The following HERC4 variants were observed in gnomAD, a reference collection of about 807,000 sequenced individuals.
HERC4 encodes the protein probable E3 ubiquitin-protein ligase HERC4.
Under a neutral mutation model 124.3 loss-of-function variants are expected in HERC4, and 28 were observed. That is an observed-to-expected ratio of 0.23 (90% CI 0.17 to 0.31). HERC4 has a LOEUF of 0.31. HERC4 is among the 10% of genes least tolerant of loss of function. HERC4 has a pLI of 1.00. For synonymous variants in HERC4, 407 were observed against 421.5 expected (o/e 0.97, Z 0.42); for missense variants, 713 against 1,229.3 (o/e 0.58, Z 6.28).
chr10:68,016,836 T>C (rs750636447), intron 8 of HERC4, among the ~76,000 whole-genome samples: 5 of 152,208 alleles, frequency 3.3e-5, no homozygotes, highest in Non-Finnish European at 7.3e-5. Context: ...TAAGAATAAC[T>C]ATTCAAATCA....
intron 8 of HERC4, among the ~76,000 whole-genome samples, chr10:68,022,254 CT>C (rs2038669694): frequency 1.3e-5 from 2 of 152,104 alleles, no homozygotes; most frequent in Admixed American, 1.3e-4. Context: ...AATCCCAACA[CT>C]TTGGGAGGCC....
chr10:67,967,525 C>G (rs1589209370), intron 15 of HERC4, among the ~76,000 whole-genome samples: 2 of 152,104 alleles, frequency 1.3e-5, no homozygotes, highest in Non-Finnish European at 2.9e-5. Context: ...AAGGTGATAT[C>G]TGGACACGAT....
At chr10:67,968,216 G>A (rs952019594) in intron 15 of HERC4, among the ~76,000 whole-genome samples, 1 of 152,024 alleles carries the variant, frequency 6.6e-6, no homozygotes, top group African/African-American at 2.4e-5. Flanking sequence ...GAATCCAGAG[G>A]ACGAAGCCCC....
chr10:68,059,072 C>T (rs2040697403), intron 3 of HERC4, among the ~76,000 whole-genome samples: 1 of 151,978 alleles, frequency 6.6e-6, no homozygotes, highest in Non-Finnish European at 1.5e-5. Context: ...AAATGTAGCT[C>T]TCTATACATT....
chr10:67,928,417 T>C (rs1169634596), intron 23 of HERC4, among the ~76,000 whole-genome samples: 1 of 152,198 alleles, frequency 6.6e-6, no homozygotes, highest in African/African-American at 2.4e-5. Flanking sequence ...CTACCAGCTG[T>C]GTAGCATCCT....
At chr10:67,963,569 C>T (rs1291229728) in intron 16 of HERC4, among the ~76,000 whole-genome samples, 2 of 152,100 alleles carry the variant, frequency 1.3e-5, no homozygotes, top group Non-Finnish European at 2.9e-5. Flanking sequence ...AAGAGCTAAA[C>T]ACCAAGAGTT....
intron 7 of HERC4, among the ~76,000 whole-genome samples, chr10:68,029,491 CA>C (rs993541250): frequency 1.4e-4 from 20 of 142,264 alleles, no homozygotes; most frequent in Admixed American, 1.4e-4. Context: ...GACTCCATCT[CA>C]AAAAAAAAAG....
At chr10:68,024,702 C>T (rs2038810402) in intron 8 of HERC4, among the ~76,000 whole-genome samples, 2 of 152,082 alleles carry the variant, frequency 1.3e-5, no homozygotes, top group Admixed American at 6.6e-5. Flanking sequence ...TATTGTATAG[C>T]TATACATACA....
chr10:68,046,283 G>A (rs1371507469), intron 3 of HERC4, among the ~76,000 whole-genome samples: 2 of 152,156 alleles, frequency 1.3e-5, no homozygotes, highest in Non-Finnish European at 2.9e-5. Context: ...AATCCTCAAA[G>A]GAAGTAGCAG....
At chr10:67,949,228 G>T (rs1247524701) in intron 19 of HERC4, among the ~76,000 whole-genome samples, 1 of 152,050 alleles carries the variant, frequency 6.6e-6, no homozygotes, top group Non-Finnish European at 1.5e-5. Flanking sequence ...AGGTTGCAGT[G>T]AGCTGAGATC....
rs1338765113 is a variant in HERC4 at position 67,954,745 on chromosome 10, T to C, written c.2194-7A>G. 4 of 1,611,880 alleles carry C rather than the reference T, an allele frequency of 2.5e-6. No homozygotes were observed. Among genetic ancestry groups the C allele is most frequent in the Admixed American group, 1.7e-5 (1 of 59,900 alleles). On this transcript the variant is annotated splice_region_variant and splice_polypyrimidine_tract_variant and intron_variant, in intron 18 of 24. Coordinates refer to ENST00000373700, the MANE Select transcript of HERC4 (RefSeq NM_015601.4). ...CTTCTCCAACAAATATAACCTAAAA[T>C]AGCACAATGCAAACACCAAATAGAC...
chr10:68,062,497 G>A (rs2041077655), intron 3 of HERC4, among the ~76,000 whole-genome samples: 1 of 152,034 alleles, frequency 6.6e-6, no homozygotes, highest in Non-Finnish European at 1.5e-5. Flanking sequence ...GCTCACGCCT[G>A]TAATCCCAGC....
At chr10:67,971,514 T>TA (rs548269261) in intron 15 of HERC4, among the ~76,000 whole-genome samples, 1 of 151,932 alleles carries the variant, frequency 6.6e-6, no homozygotes. Flanking sequence ...ACAATATTTC[T>TA]AAAAAAAGGA....
At chr10:67,981,234 G>A (rs1310893682) in intron 15 of HERC4, among the ~76,000 whole-genome samples, 4 of 152,214 alleles carry the variant, frequency 2.6e-5, no homozygotes, top group Non-Finnish European at 4.4e-5. Context: ...AAAAGGGCAG[G>A]AGTAGCTACC....
intron 1 of HERC4, 156 bp downstream of exon 1, chr10:68,074,988 G>T (rs1019296020): frequency 6.6e-6 from 1 of 152,652 alleles, no homozygotes; most frequent in South Asian, 2.1e-4. Flanking sequence ...GACGGGGGGC[G>T]GCCCCTGCCC....
In HERC4 at chr10:68,054,480, C is replaced by T. The variant is rs528955996; in HGVS notation, c.227-9917G>A. ...GAAATTCTCCTGCCTCAGCTAACCA[C>T]GCCCAGCCGGCACCACCATGTCCAG... On this transcript the variant is annotated intron_variant, in intron 3 of 24. Transcript: ENST00000373700. Among the ~76,000 whole-genome samples, 132 of 151,544 alleles carry T rather than the reference C, an allele frequency of 8.7e-4. 1 individual carries two copies. Among genetic ancestry groups the T allele is most frequent in the Non-Finnish European group, 1.6e-3 (107 of 67,842 alleles).
Position 67,992,701 on chromosome 10 carries a change from A to C in HERC4, c.1070-19T>G, listed in dbSNP as rs1427278181. On this transcript the variant is annotated intron_variant, in intron 9 of 24. Transcript: ENST00000373700. ...TCAGAATCTGTAATAAAAATGTAAA[A>C]AATTAAAAGCCAAGATTTACATAAC... 2.4e-6 allele frequency: 3 copies of C among 1,268,204 alleles called. No homozygotes were observed. Among genetic ancestry groups the C allele is most frequent in the African/African-American group, 3.0e-5 (2 of 66,494 alleles). 78.6% of individuals were successfully genotyped at this position (1,268,204 alleles called of 1,614,324 possible). A position where few individuals can be genotyped will look rare whatever the true frequency, so the allele number is the denominator to read the frequency against.
At chr10:67,996,982 C>T (rs546334214) in intron 9 of HERC4, among the ~76,000 whole-genome samples, 116 of 150,224 alleles carry the variant, frequency 7.7e-4, no homozygotes, top group Non-Finnish European at 1.5e-3. Context: ...AGCAAGACTC[C>T]GTCTCGAAAA....
At chr10:67,982,317 A>C (rs2035980743) in intron 15 of HERC4, among the ~76,000 whole-genome samples, 1 of 151,556 alleles carries the variant, frequency 6.6e-6, no homozygotes, top group Non-Finnish European at 1.5e-5. Context: ...CCTAGAAACA[A>C]ATCTACACAC....
Sources: allele counts gnomAD v4.1 joint callset (sites outside exome capture counted in the v4.1 genomes callset), GRCh38; gene constraint gnomAD v4.1.1; transcripts MANE v1.5; gene names NCBI Gene and HGNC (gene_info 2026-07-23, HGNC 2026-07-21).